SLC8A1: variants seen among roughly 807,000 people sequenced by gnomAD.
The protein encoded by SLC8A1 is sodium/calcium exchanger 1.
Under a neutral mutation model 68.3 loss-of-function variants are expected in SLC8A1, and 18 were observed. The ratio of observed to expected loss-of-function variants is 0.26; its 90% CI spans 0.18 to 0.39. The LOEUF (loss-of-function observed/expected upper bound fraction) is 0.39, where lower values mean the gene tolerates loss of function less well. Among genes scored for constraint, SLC8A1 ranks in the 10% least tolerant of loss-of-function variants. The pLI, the probability that SLC8A1 is intolerant of heterozygous loss-of-function variation, is 1.00. For synonymous variants in SLC8A1, 475 were observed against 415.5 expected (o/e 1.14, Z -1.74); for missense variants, 985 against 1,156.7 (o/e 0.85, Z 2.15).
chr2:40,351,559 T>G (rs1671090042), intron 2 of SLC8A1, among the ~76,000 whole-genome samples: 1 of 149,188 alleles, frequency 6.7e-6, no homozygotes, highest in Non-Finnish European at 1.5e-5. Context: ...TAGAGTCAAG[T>G]AGATTGGCAT....
intron 2 of SLC8A1, chr2:40,250,598 A>T (rs1483282123): frequency 1.3e-5 from 2 of 152,132 alleles, no homozygotes; most frequent in African/African-American, 4.8e-5. Flanking sequence ...TCTTCGAGTT[A>T]TTCTTTTCAA....
intron 2 of SLC8A1, among the ~76,000 whole-genome samples, chr2:40,225,141 C>T (rs780340036): frequency 6.6e-6 from 1 of 151,986 alleles, no homozygotes; most frequent in Admixed American, 6.6e-5. Context: ...AGTGATTGGT[C>T]CAAAAGAAAA....
chr2:40,285,092 C>T lies in SLC8A1; in HGVS notation c.1809-107237G>A, dbSNP rs148473775. ...CAGGAACAGAGAGATGGCAGCATTG[C>T]TTCCTTCAAGAGACATTTATTAAGC... On this transcript the variant is annotated intron_variant, in intron 2 of 7. Transcript: ENST00000406785. 3.5e-3 allele frequency among the ~76,000 whole-genome samples: 530 copies of T among 152,202 alleles called. 3 individuals are homozygous for T. The highest frequency in any genetic ancestry group is 0.012 in the African/African-American group (503 of 41,538).
At chr2:40,171,724 A>T (rs2148516897) in intron 4 of SLC8A1, among the ~76,000 whole-genome samples, 1 of 152,326 alleles carries the variant, frequency 6.6e-6, no homozygotes, top group East Asian at 1.9e-4. Context: ...ACTCTATAAG[A>T]TTGGTGATAA....
intron 2 of SLC8A1, among the ~76,000 whole-genome samples, chr2:40,407,118 G>A (rs138839534): frequency 6.0e-4 from 92 of 152,262 alleles, no homozygotes; most frequent in African/African-American, 2.1e-3. Flanking sequence ...CCAGGCTGGA[G>A]TACAGTGGTG....
At chr2:40,127,109 G>C (rs545001966) in intron 7 of SLC8A1, among the ~76,000 whole-genome samples, 168 of 152,262 alleles carry the variant, frequency 1.1e-3, no homozygotes, top group African/African-American at 3.7e-3. Flanking sequence ...TTGCTTCAGA[G>C]ACTCAGTTTG....
chr2:40,151,709 A>G (rs1412651458), intron 6 of SLC8A1, among the ~76,000 whole-genome samples: 1 of 152,212 alleles, frequency 6.6e-6, no homozygotes, highest in Admixed American at 6.5e-5. Context: ...CAATTTAGAA[A>G]CCATTGAATT....
intron 7 of SLC8A1, among the ~76,000 whole-genome samples, chr2:40,119,456 G>A (rs147482457): frequency 0.012 from 1,774 of 152,156 alleles, 38 homozygotes; most frequent in African/African-American, 0.041. Flanking sequence ...TTTTATTGCC[G>A]CTTTGCTGCT....
intron 2 of SLC8A1, among the ~76,000 whole-genome samples, chr2:40,279,286 C>T (rs989502108): frequency 6.6e-6 from 1 of 152,162 alleles, no homozygotes; most frequent in Non-Finnish European, 1.5e-5. Flanking sequence ...ATTGTAGCCT[C>T]ACAGCATTCA....
At chr2:40,170,709 G>A (rs1431921706) in intron 4 of SLC8A1, among the ~76,000 whole-genome samples, 9 of 152,170 alleles carry the variant, frequency 5.9e-5, no homozygotes, top group Non-Finnish European at 1.2e-4. Flanking sequence ...ACAACAAAAG[G>A]TATAGTGGCA....
At chr2:40,307,075 T>C (rs1559173094) in intron 2 of SLC8A1, among the ~76,000 whole-genome samples, 1 of 151,728 alleles carries the variant, frequency 6.6e-6, no homozygotes, top group Non-Finnish European at 1.5e-5. Context: ...CTGTCCACAA[T>C]AGCCAAGAGG....
At chr2:40,182,747 G>A (rs1234654029) in intron 2 of SLC8A1, among the ~76,000 whole-genome samples, 1 of 152,168 alleles carries the variant, frequency 6.6e-6, no homozygotes, top group African/African-American at 2.4e-5. Context: ...CTTTATTAAT[G>A]AGGGTTGAAA....
chr2:40,235,295 C>G (rs1284233549), intron 2 of SLC8A1, among the ~76,000 whole-genome samples: 6 of 152,076 alleles, frequency 3.9e-5, no homozygotes, highest in African/African-American at 1.4e-4. Flanking sequence ...TTGGTCTATT[C>G]AGAGATTCAA....
exon 8 of SLC8A1, chr2:40,112,028 G>C (rs1388411651): frequency 6.6e-6 from 1 of 152,180 alleles, no homozygotes; most frequent in Non-Finnish European, 1.5e-5. Flanking sequence ...TTCTGACACT[G>C]TGTTCTCCTG....
chr2:40,510,134 G>T (rs531539000), intron 1 of SLC8A1, among the ~76,000 whole-genome samples: 2 of 151,942 alleles, frequency 1.3e-5, no homozygotes, highest in African/African-American at 4.8e-5. Context: ...CCGCCATTTT[G>T]TTTATTTATT....
At chr2:40,256,357 G>A (rs2063921620) in intron 2 of SLC8A1, among the ~76,000 whole-genome samples, 1 of 152,100 alleles carries the variant, frequency 6.6e-6, no homozygotes, top group Non-Finnish European at 1.5e-5. Context: ...AGGCTCACTG[G>A]CCAAGATATA....
chr2:40,474,655 A>C (rs1704175646), intron 1 of SLC8A1, among the ~76,000 whole-genome samples: 1 of 152,210 alleles, frequency 6.6e-6, no homozygotes. Context: ...ATACTTCTTA[A>C]GTATGAAGTT....
Position 40,243,199 on chromosome 2 carries a change from A to G in SLC8A1, c.1809-65344T>C, listed in dbSNP as rs144654099. Among the ~76,000 whole-genome samples the G allele has an allele frequency of 2.9e-3, 438 of 152,286 alleles. 1 individual carries two copies. Among genetic ancestry groups the G allele is most frequent in the Middle Eastern group, 0.01 (3 of 294 alleles). On this transcript the variant is annotated intron_variant, in intron 2 of 7. Coordinates refer to ENST00000406785, the Ensembl canonical transcript of SLC8A1. ...TCACAACTTACCAGAGCTATTTTCA[A>G]TTCATGAAAATAAAGGCCAGGCGTG... is the stretch of plus-strand genomic sequence containing the variant.
chr2:40,345,291 T>C (rs1336453389), intron 2 of SLC8A1, among the ~76,000 whole-genome samples: 1 of 152,182 alleles, frequency 6.6e-6, no homozygotes, highest in Non-Finnish European at 1.5e-5. Flanking sequence ...ACAACATCTG[T>C]ATTTAGTAAT....
Sources: gnomAD v4.1 joint callset for allele counts (sites outside exome capture counted in the v4.1 genomes callset) on GRCh38, gnomAD v4.1.1 for gene constraint, MANE v1.5 for transcripts, NCBI Gene and HGNC (gene_info 2026-07-23, HGNC 2026-07-21) for gene names.